Variants in MID1 observed in about 807,000 individuals in gnomAD.
The protein encoded by MID1 is midline 1.
A neutral mutation model predicts 40.4 loss-of-function variants in MID1; 7 were observed. The observed-to-expected ratio is 0.17, with a 90% CI of 0.10 to 0.33. The LOEUF (loss-of-function observed/expected upper bound fraction) is 0.33. Ranked by LOEUF, MID1 falls within the 10% of genes least tolerant of loss-of-function variation. MID1 has a pLI of 1.00. For synonymous variants in MID1, 229 were observed against 221.2 expected (o/e 1.04, Z -0.31); for missense variants, 367 against 558.5 (o/e 0.66, Z 3.46).
intron 2 of MID1, among the ~76,000 whole-genome samples, chrX:10,538,286 A>G (rs1933338693): frequency 1.8e-5 from 2 of 111,585 alleles, no homozygotes; most frequent in Admixed American, 1.9e-4. Flanking sequence ...ATCTTTACAA[A>G]AGATATTACT....
intron 1 of MID1, among the ~76,000 whole-genome samples, chrX:10,715,423 T>C (rs2043295211): frequency 1.8e-5 from 2 of 112,166 alleles, no homozygotes. Context: ...CGGAGGGTCC[T>C]ACGCCCACGG....
intron 1 of MID1, among the ~76,000 whole-genome samples, chrX:10,591,936 GAAAAC>G (rs1471823138): frequency 9.0e-6 from 1 of 110,893 alleles, no homozygotes; most frequent in African/African-American, 3.3e-5. Context: ...GCTATCAAAA[GAAAAC>G]AAAACAAAAC....
intron 1 of MID1, among the ~76,000 whole-genome samples, chrX:10,773,568 T>C (rs1223585274): frequency 8.9e-6 from 1 of 112,782 alleles, no homozygotes; most frequent in East Asian, 2.8e-4. Flanking sequence ...TCAAACTTTC[T>C]CTGATTCTGC....
intron 7 of MID1, among the ~76,000 whole-genome samples, chrX:10,466,130 A>G (rs1929373435): frequency 9.0e-6 from 1 of 111,594 alleles, no homozygotes. Context: ...GGTGTTTTAC[A>G]ATGAATCATC....
intron 1 of MID1, among the ~76,000 whole-genome samples, chrX:10,724,973 T>C (rs940560570): frequency 8.9e-6 from 1 of 112,127 alleles, no homozygotes; most frequent in Non-Finnish European, 1.9e-5. Flanking sequence ...ATGAAACCTG[T>C]GGGGGTATTA....
intron 1 of MID1, among the ~76,000 whole-genome samples, chrX:10,664,002 T>A (rs1025334566): frequency 9.0e-6 from 1 of 111,331 alleles, no homozygotes; most frequent in African/African-American, 3.3e-5. Flanking sequence ...TGAATGGACA[T>A]TTATGTTAGA....
chrX:10,636,128 A>C (rs1936106806), intron 1 of MID1, among the ~76,000 whole-genome samples: 3 of 112,392 alleles, frequency 2.7e-5, no homozygotes, highest in African/African-American at 9.7e-5. Context: ...AATGCTGGCA[A>C]AATCTGGAAG....
chrX:10,581,181 G>A (rs1468425540), intron 1 of MID1, among the ~76,000 whole-genome samples: 1 of 111,008 alleles, frequency 9.0e-6, no homozygotes, highest in Non-Finnish European at 1.9e-5. Context: ...CCTGGGAGGC[G>A]GAGGTTGCAG....
At chrX:10,751,267 AAAAAAAAGAAAGAAAG>A (rs2043596796) in intron 1 of MID1, among the ~76,000 whole-genome samples, 1 of 107,606 alleles carries the variant, frequency 9.3e-6, no homozygotes, top group African/African-American at 3.4e-5. Context: ...TCCATCTCAA[AAAAAAAAGAAAGAAAG>A]AAAAAAGAAA....
chrX:10,770,882 G>A (rs1487519320), intron 1 of MID1, among the ~76,000 whole-genome samples: 2 of 111,054 alleles, frequency 1.8e-5, no homozygotes, highest in Non-Finnish European at 3.8e-5. Flanking sequence ...GAGGCGGGTG[G>A]ATCACGAGGT....
At chrX:10,675,154 T>C (rs1440343910) in intron 1 of MID1, among the ~76,000 whole-genome samples, 1 of 112,592 alleles carries the variant, frequency 8.9e-6, no homozygotes, top group Non-Finnish European at 1.9e-5. Flanking sequence ...GAATAATTTG[T>C]GTTGAATCAT....
intron 4 of MID1, among the ~76,000 whole-genome samples, chrX:10,484,244 A>G (rs1467116630): frequency 2.7e-5 from 3 of 112,556 alleles, no homozygotes; most frequent in African/African-American, 9.7e-5. Context: ...TGGAATATTT[A>G]ATCACACAGC....
At chrX:10,512,670 C>T (rs1932216621) in intron 3 of MID1, among the ~76,000 whole-genome samples, 1 of 112,226 alleles carries the variant, frequency 8.9e-6, no homozygotes, top group South Asian at 3.7e-4. Context: ...ATGGACAAGG[C>T]ACCACCTTCC....
rs1321005333 is a variant in MID1, at chrX:10,524,557, CCTACCATTCATTCATTTACTT to C, written c.661-1391_661-1371del. Among the ~76,000 whole-genome samples the C allele has an allele frequency of 6.8e-3, 734 of 107,439 alleles. 8 individuals carry two copies. The highest frequency in any genetic ancestry group is 0.026 in the African/African-American group (690 of 26,114). The allele number at this position is 107,439 out of a possible 115,157, so 93.3% of individuals were successfully genotyped here. On this transcript the variant is annotated intron_variant, in intron 2 of 9. Transcript: ENST00000317552. ...CCATTCATTCATTTACTTATGTGTT[CCTACCATTCATTCATTTACTT>C]ATGTGTTCATACAACAAGTACTTAT...
chrX:10,665,769 C>T, intron 1 of MID1, among the ~76,000 whole-genome samples: 1 of 110,047 alleles, frequency 9.1e-6, no homozygotes, highest in Non-Finnish European at 1.9e-5. Context: ...CTCAAGTGAT[C>T]CACCCACCTC....
chrX:10,452,371 C>T (rs1352743787), intron 9 of MID1, among the ~76,000 whole-genome samples: 1 of 112,103 alleles, frequency 8.9e-6, no homozygotes, highest in Non-Finnish European at 1.9e-5. Context: ...AAGGAAAATA[C>T]CATTATAGTA....
rs1288259936 is a variant in MID1, at chrX:10,668,454, T to C, written c.-186-48035A>G. 4.5e-5 allele frequency among the ~76,000 whole-genome samples: 5 copies of C among 112,272 alleles called. No individual in the cohort carries two copies. The East Asian group carries it at 1.4e-3, about 31-fold the overall frequency. ...TCCAATTTCCCACACTTTTCTTGGT[T>C]CTATACAGTACTTTACAAATAAGGT... On this transcript the variant is annotated intron_variant, in intron 1 of 10. Coordinates refer to the MID1 transcript ENST00000380785.
chrX:10,541,111 G>A (rs902730087), intron 2 of MID1, among the ~76,000 whole-genome samples: 2 of 112,094 alleles, frequency 1.8e-5, no homozygotes, highest in African/African-American at 6.5e-5. Flanking sequence ...GACATTCTAC[G>A]GAAGGTACCA....
rs984232742 is a variant in MID1, at chrX:10,782,264, A to C, written c.-187+51290T>G. Among the ~76,000 whole-genome samples, 4 of 111,467 alleles carry C rather than the reference A, an allele frequency of 3.6e-5. No homozygotes were observed. The Admixed American group carries it at 3.8e-4, about 11-fold the overall frequency. On this transcript the variant is annotated intron_variant, in intron 1 of 10. Coordinates refer to the MID1 transcript ENST00000380785. The stretch of plus-strand genomic sequence containing the variant: ...TTAGCTGCCCAATCCTGTTAATTCT[A>C]TGACCTCAATGTGTTTGGCATCTGA...
Sources: allele counts gnomAD v4.1 joint callset (sites outside exome capture counted in the v4.1 genomes callset), GRCh38; gene constraint gnomAD v4.1.1; transcripts MANE v1.5; gene names NCBI Gene and HGNC (gene_info 2026-07-23, HGNC 2026-07-21).